The following EGFR variants were observed in gnomAD, a reference collection of about 807,000 sequenced individuals.
The protein encoded by EGFR is avian erythroblastic leukemia viral (v-erb-b) oncogene homolog.
Under a neutral mutation model 143.0 loss-of-function variants are expected in EGFR, and 58 were observed. The observed-to-expected ratio is 0.41, with a 90% CI of 0.33 to 0.50. The LOEUF (loss-of-function observed/expected upper bound fraction) is 0.50, where lower values mean the gene tolerates loss of function less well. EGFR is among the 20% of genes least tolerant of loss of function. The pLI, the probability that EGFR is intolerant of heterozygous loss-of-function variation, is 0.39. For missense variants in EGFR, 1,307 were observed against 1,579.0 expected, an observed-to-expected ratio of 0.83 and a Z score of 2.92; for synonymous variants, 613 against 594.4, an observed-to-expected ratio of 1.03 and a Z score of -0.45.
intron 27 of EGFR, chr7:55,203,199 CAT>C (rs68183998): frequency 0.12 from 27,681 of 235,950 alleles, 2,096 homozygotes; most frequent in East Asian, 0.31. Flanking sequence ...CATGCACACA[CAT>C]ATACACACAC....
intron 1 of EGFR, among the ~76,000 whole-genome samples, chr7:55,060,884 G>T (rs932044170): frequency 3.3e-5 from 5 of 152,168 alleles, no homozygotes; most frequent in Admixed American, 2.0e-4. Context: ...GACGTGCTCT[G>T]GTTAACACTG....
At chr7:55,202,825 G>A (rs778827829) in intron 27 of EGFR, 200 bp downstream of exon 27, 138 of 699,766 alleles carry the variant, frequency 2.0e-4, no homozygotes, top group Non-Finnish European at 3.3e-4. Flanking sequence ...GTTGTGTCTG[G>A]TTGTTTGCTG....
At chr7:55,022,904 G>T (rs1786658553) in intron 1 of EGFR, among the ~76,000 whole-genome samples, 1 of 152,226 alleles carries the variant, frequency 6.6e-6, no homozygotes, top group Non-Finnish European at 1.5e-5. Flanking sequence ...GTTTTTAGAA[G>T]TAGTCTCAGC....
At chr7:55,061,353 A>C (rs1789155063) in intron 1 of EGFR, among the ~76,000 whole-genome samples, 1 of 152,112 alleles carries the variant, frequency 6.6e-6, no homozygotes. Context: ...TTTTCTTCCC[A>C]CTGTTGTCAG....
chr7:55,146,515 A>T (rs747420351), intron 3 of EGFR, 91 bp from the exon 4 acceptor site: 45 of 1,589,212 alleles, frequency 2.8e-5, no homozygotes, highest in Non-Finnish European at 3.7e-5. Flanking sequence ...GCATCTCTTT[A>T]GCAGAACATA....
chr7:55,170,595 C>A (rs2128950992), intron 15 of EGFR: 1 of 1,608,364 alleles, frequency 6.2e-7, no homozygotes, highest in South Asian at 1.1e-5. Context: ...TCTGCCACCC[C>A]TGCACGTGGG....
intron 1 of EGFR, among the ~76,000 whole-genome samples, chr7:55,088,765 C>T (rs887744950): frequency 6.6e-6 from 1 of 152,150 alleles, no homozygotes; most frequent in Non-Finnish European, 1.5e-5. Flanking sequence ...CAATTGAAAC[C>T]AAAATGTTAT....
chr7:55,159,761 G>A (rs1261057322), intron 11 of EGFR, among the ~76,000 whole-genome samples: 1 of 152,230 alleles, frequency 6.6e-6, no homozygotes, highest in African/African-American at 2.4e-5. Flanking sequence ...TGGATAGAGG[G>A]ACAGGTTGGG....
chr7:55,112,442 A>G (rs1273960765), intron 1 of EGFR, among the ~76,000 whole-genome samples: 2 of 152,220 alleles, frequency 1.3e-5, no homozygotes, highest in Admixed American at 6.5e-5. Context: ...CAAACAGATG[A>G]TTAGCTGGGG....
chr7:55,086,175 G>A (rs1374415662), intron 1 of EGFR, among the ~76,000 whole-genome samples: 3 of 152,354 alleles, frequency 2.0e-5, no homozygotes, highest in South Asian at 2.1e-4. Context: ...CGAGGAAAGG[G>A]AAGCTCAGAG....
At chr7:55,129,051 A>G (rs898752805) in intron 1 of EGFR, among the ~76,000 whole-genome samples, 1 of 152,270 alleles carries the variant, frequency 6.6e-6, no homozygotes, top group Non-Finnish European at 1.5e-5. Flanking sequence ...AATAAGCTAA[A>G]GAAAACAAAA....
intron 22 of EGFR, among the ~76,000 whole-genome samples, chr7:55,197,201 G>A (rs956019538): frequency 1.3e-5 from 2 of 152,044 alleles, no homozygotes; most frequent in African/African-American, 4.8e-5. Context: ...GTGTTTTGTG[G>A]TTCTTATTGT....
intron 1 of EGFR, 29 bp downstream of exon 1, chr7:55,019,394 C>T (rs764682926): frequency 3.4e-5 from 47 of 1,367,206 alleles, no homozygotes; most frequent in Non-Finnish European, 4.5e-5. Context: ...GGCTCCCGCG[C>T]CGCCCCCGGA....
At chr7:55,102,277 T>C (rs948936153) in intron 1 of EGFR, among the ~76,000 whole-genome samples, 1 of 151,934 alleles carries the variant, frequency 6.6e-6, no homozygotes, top group African/African-American at 2.4e-5. Flanking sequence ...TCCAAATTCC[T>C]CTCCCCATCT....
At chr7:55,081,721 T>G (rs552159502) in intron 1 of EGFR, among the ~76,000 whole-genome samples, 1 of 100,184 alleles carries the variant, frequency 1.0e-5, no homozygotes, top group East Asian at 2.2e-4. Context: ...TTTAGACTGG[T>G]TTTTTTTTTT....
intron 23 of EGFR, among the ~76,000 whole-genome samples, chr7:55,199,132 C>G (rs570883473): frequency 1.3e-5 from 2 of 152,224 alleles, no homozygotes; most frequent in Non-Finnish European, 2.9e-5. Context: ...CCAAAATATT[C>G]TATTCGCTGA....
chr7:55,045,402 T>G (rs7785313), intron 1 of EGFR, among the ~76,000 whole-genome samples: 7,376 of 152,324 alleles, frequency 0.048, 301 homozygotes, highest in South Asian at 0.16. Flanking sequence ...TTGATTGAAC[T>G]TCACTTGCTT....
chr7:55,207,116 A>G lies in EGFR; in HGVS notation c.*1499A>G, dbSNP rs1024005104. ...CAGTCCTTTGTAAACAGTGTTTTAA[A>G]CTCTCCTAGTCAATATCCACCCCAT... On this transcript the variant is annotated 3_prime_UTR_variant, in exon 28 of 28. Transcript: ENST00000275493. 13 of 232,572 alleles carry G rather than the reference A, an allele frequency of 5.6e-5. No homozygotes were observed. The highest frequency in any genetic ancestry group is 2.9e-4 in the African/African-American group (13 of 45,262). 14.4% of individuals were successfully genotyped at this position (232,572 alleles called of 1,614,324 possible).
chr7:55,030,148 A>G (rs1363626317), intron 1 of EGFR, among the ~76,000 whole-genome samples: 3 of 152,308 alleles, frequency 2.0e-5, no homozygotes, highest in East Asian at 1.9e-4. Context: ...CTCTCCTGCT[A>G]CACAGCACTG....
Sources: gnomAD v4.1 joint callset for allele counts (sites outside exome capture counted in the v4.1 genomes callset) on GRCh38, gnomAD v4.1.1 for gene constraint, MANE v1.5 for transcripts, NCBI Gene and HGNC (gene_info 2026-07-23, HGNC 2026-07-21) for gene names.